The following TBXAS1 variants were observed in gnomAD, a reference collection of about 807,000 sequenced individuals.
The protein encoded by TBXAS1 is thromboxane A synthase 1, also known as thromboxane-A synthase.
In TBXAS1, 48 loss-of-function variants were observed where a neutral mutation model predicts 60.7. The ratio of observed to expected loss-of-function variants is 0.79; its 90% CI spans 0.63 to 1.01. The LOEUF is 1.01. Ranked by LOEUF, TBXAS1 falls within the 50% of genes least tolerant of loss-of-function variation. TBXAS1 has a pLI of 0.00. For synonymous variants in TBXAS1, 287 were observed against 269.7 expected, an observed-to-expected ratio of 1.06 and a Z score of -0.63; for missense variants, 685 against 686.3, an observed-to-expected ratio of 1.00 and a Z score of 0.02.
intron 3 of TBXAS1, among the ~76,000 whole-genome samples, chr7:139,879,545 GAACAGAATC>G (rs1322237400): frequency 6.6e-6 from 1 of 151,906 alleles, no homozygotes; most frequent in Non-Finnish European, 1.5e-5. Context: ...AACTCTGTAA[GAACAGAATC>G]AACATTATCG....
At chr7:139,970,263 T>C (rs913391283) in intron 9 of TBXAS1, among the ~76,000 whole-genome samples, 1 of 152,198 alleles carries the variant, frequency 6.6e-6, no homozygotes, top group East Asian at 1.9e-4. Context: ...CACGCCACCA[T>C]GCCCAGCTAA....
chr7:139,989,254 A>G (rs946045560), intron 9 of TBXAS1, among the ~76,000 whole-genome samples: 2 of 152,182 alleles, frequency 1.3e-5, no homozygotes, highest in Non-Finnish European at 2.9e-5. Flanking sequence ...AGAAGTCAGC[A>G]TCAGAGGGAG....
chr7:139,949,981 CT>C (rs1273282594), intron 5 of TBXAS1, among the ~76,000 whole-genome samples: 1 of 151,570 alleles, frequency 6.6e-6, no homozygotes, highest in East Asian at 1.9e-4. Flanking sequence ...AGAAGGCACA[CT>C]TACTACATTG....
chr7:139,986,787 GTGTGTGTGTGTGTATATATATATA>G (rs746531680), intron 9 of TBXAS1, among the ~76,000 whole-genome samples: 26,840 of 85,860 alleles, frequency 0.31, 3,308 homozygotes, highest in East Asian at 0.48. Context: ...GTGTGTGTGT[GTGTGTGTGTGTGTATATATATATA>G]TATATACACC....
chr7:139,994,072 G>A (rs573846081), intron 9 of TBXAS1, among the ~76,000 whole-genome samples: 29 of 151,002 alleles, frequency 1.9e-4, no homozygotes, highest in African/African-American at 5.8e-4. Context: ...ATGAAGTTTT[G>A]CTCTTGTTGC....
intron 9 of TBXAS1, among the ~76,000 whole-genome samples, chr7:139,994,884 C>T (rs1015183211): frequency 1.3e-5 from 2 of 152,146 alleles, no homozygotes; most frequent in Admixed American, 6.5e-5. Flanking sequence ...GAAAATGCTG[C>T]CCCCTCCCTT....
chr7:139,992,534 T>C (rs1479372534), intron 9 of TBXAS1, among the ~76,000 whole-genome samples: 1 of 152,194 alleles, frequency 6.6e-6, no homozygotes, highest in East Asian at 1.9e-4. Flanking sequence ...AAGAAGCCTT[T>C]TTCACTAAAA....
At chr7:139,833,509 C>CAAAAAAA (rs56291914) in intron 1 of TBXAS1, among the ~76,000 whole-genome samples, 4 of 74,412 alleles carry the variant, frequency 5.4e-5, no homozygotes, top group Admixed American at 1.8e-4. Flanking sequence ...ACTAAAAATA[C>CAAAAAAA]AAAAAAAAAA....
At chr7:139,800,170 G>A (rs6954829) in intron 4 of TBXAS1, among the ~76,000 whole-genome samples, 1 of 151,506 alleles carries the variant, frequency 6.6e-6, no homozygotes, top group Non-Finnish European at 1.5e-5. Flanking sequence ...CTCTGGCCCC[G>A]TCAATCCATT....
intron 6 of TBXAS1, 91 bp from the exon 7 acceptor site, chr7:139,955,368 A>G (rs1325233023): frequency 4.5e-6 from 7 of 1,546,400 alleles, no homozygotes; most frequent in Middle Eastern, 1.8e-4. Context: ...AAGCCAGTGT[A>G]AGCAATTCAG....
intron 4 of TBXAS1, among the ~76,000 whole-genome samples, chr7:139,791,685 T>C (rs991492325): frequency 6.6e-6 from 1 of 152,116 alleles, no homozygotes; most frequent in Non-Finnish European, 1.5e-5. Context: ...ATAATCCTAG[T>C]GAAAGGTGCA....
At chr7:140,017,210 C>T (rs773512048) in intron 11 of TBXAS1, among the ~76,000 whole-genome samples, 13 of 152,240 alleles carry the variant, frequency 8.5e-5, no homozygotes, top group East Asian at 2.0e-4. Flanking sequence ...CAGCAGGACA[C>T]GCCCCCCAGG....
chr7:139,801,634 T>C (rs749416638), intron 4 of TBXAS1, among the ~76,000 whole-genome samples: 6 of 152,106 alleles, frequency 3.9e-5, no homozygotes, highest in Non-Finnish European at 7.4e-5. Context: ...CATGCCCAGC[T>C]AATCTTTGTC....
At chr7:139,984,235 AT>A (rs1812170976) in intron 9 of TBXAS1, among the ~76,000 whole-genome samples, 1 of 152,212 alleles carries the variant, frequency 6.6e-6, no homozygotes, top group Non-Finnish European at 1.5e-5. Context: ...GTTAAGTGGA[AT>A]AACATACTTA....
chr7:139,801,950 G>A (rs2109337), intron 4 of TBXAS1, among the ~76,000 whole-genome samples: 91,210 of 151,878 alleles, frequency 0.6, 27,837 homozygotes, highest in East Asian at 0.95. Flanking sequence ...TTTTAGTAGA[G>A]ATGGGGTTTT....
chr7:139,842,700 T>C (rs932788561), intron 1 of TBXAS1, among the ~76,000 whole-genome samples: 2 of 152,058 alleles, frequency 1.3e-5, no homozygotes, highest in African/African-American at 2.4e-5. Context: ...GATAGGGGAG[T>C]TCCCTGGAGC....
chr7:139,846,386 T>C (rs1465724083), intron 1 of TBXAS1, among the ~76,000 whole-genome samples: 1 of 152,224 alleles, frequency 6.6e-6, no homozygotes, highest in Non-Finnish European at 1.5e-5. Flanking sequence ...GGTCTCCGTG[T>C]CTCAGTTTCC....
intron 11 of TBXAS1, among the ~76,000 whole-genome samples, chr7:140,017,275 G>A (rs1815156006): frequency 1.3e-5 from 2 of 152,206 alleles, no homozygotes; most frequent in South Asian, 4.1e-4. Context: ...GCAGGTGGCG[G>A]CTGGGTCATC....
chr7:139,913,783 T>C (rs1244884179), intron 4 of TBXAS1: 1 of 152,268 alleles, frequency 6.6e-6, no homozygotes, highest in Non-Finnish European at 1.5e-5. Flanking sequence ...GGATTAAGCC[T>C]TCAGGACTAA....
Sources: gnomAD v4.1 joint callset for allele counts (sites outside exome capture counted in the v4.1 genomes callset) on GRCh38, gnomAD v4.1.1 for gene constraint, MANE v1.5 for transcripts, NCBI Gene and HGNC (gene_info 2026-07-23, HGNC 2026-07-21) for gene names.